The following FMN1 variants were observed in gnomAD, a reference collection of about 807,000 sequenced individuals.
FMN1 encodes the protein formin-1.
FMN1 carries 110 observed loss-of-function variants against 132.4 expected under a neutral mutation model. The ratio of observed to expected loss-of-function variants is 0.83; its 90% CI spans 0.71 to 0.97. The LOEUF (loss-of-function observed/expected upper bound fraction) is 0.97, where lower values mean the gene tolerates loss of function less well. FMN1 is among the 50% of genes least tolerant of loss of function. The probability of loss-of-function intolerance (pLI) is 0.00; values close to 1 mark genes in which losing one functional copy is unlikely to be tolerated. For synonymous variants in FMN1, 722 were observed against 651.7 expected (o/e 1.11, Z -1.64); for missense variants, 1,792 against 1,705.3 (o/e 1.05, Z -0.90).
At position 32,777,589 on chromosome 15, in the gene FMN1, T is replaced by C. The variant is rs1035284367; in HGVS notation, c.4131-670A>G. 4.9e-4 allele frequency among the ~76,000 whole-genome samples: 68 copies of C among 139,314 alleles called. 2 individuals are homozygous for C. Among genetic ancestry groups the C allele is most frequent in the African/African-American group, 1.8e-3 (66 of 37,618 alleles). The allele number at this position is 139,314 out of a possible 152,430, so 91.4% of individuals were successfully genotyped here. ...CACTTTATATATTACGTATAACATA[T>C]AACACTTTATATATTACGTATAACA... On this transcript the variant is annotated intron_variant, in intron 19 of 20. Transcript: ENST00000616417.
At position 33,058,031 on chromosome 15, in the gene FMN1, C is replaced by T. The variant is rs534598239; in HGVS notation, c.2161+6926G>A. Among the ~76,000 whole-genome samples, 6 of 138,916 alleles carry T rather than the reference C, an allele frequency of 4.3e-5. No homozygotes were observed. In the East Asian group the frequency reaches 7.9e-4, roughly 18 times the overall value. The allele number at this position is 138,916 out of a possible 152,430, so 91.1% of individuals were successfully genotyped here. A position where few individuals can be genotyped will look rare whatever the true frequency, so the allele number is the denominator to read the frequency against. ...CGTGGCGGGGCTGGTAGTGGAAAGG[C>T]GTGGCGGGCTGGTGGTGGAAAGGTG... is the stretch of plus-strand genomic sequence containing the variant. On this transcript the variant is annotated intron_variant, in intron 6 of 20. Coordinates refer to ENST00000616417, the MANE Select transcript of FMN1 (RefSeq NM_001277313.2).
At chr15:33,104,677 A>C (rs1199052292) in intron 4 of FMN1, among the ~76,000 whole-genome samples, 1 of 152,114 alleles carries the variant, frequency 6.6e-6, no homozygotes, top group Non-Finnish European at 1.5e-5. Context: ...TTTCCACCTA[A>C]TGTAATTCTC....
chr15:32,905,633 G>C (rs1018144597), intron 12 of FMN1, among the ~76,000 whole-genome samples: 1 of 152,226 alleles, frequency 6.6e-6, no homozygotes, highest in East Asian at 1.9e-4. Flanking sequence ...TGGAGTGTAA[G>C]AGAGTTGATG....
intron 6 of FMN1, among the ~76,000 whole-genome samples, chr15:33,008,709 G>A (rs189622571): frequency 4.7e-4 from 71 of 152,240 alleles, no homozygotes; most frequent in African/African-American, 1.4e-3. Context: ...CCAAGTGTAC[G>A]TAAGAACTCC....
chr15:32,949,067 CTA>C (rs71656146), intron 9 of FMN1, among the ~76,000 whole-genome samples: 19,299 of 151,908 alleles, frequency 0.13, 1,665 homozygotes, highest in African/African-American at 0.26. Flanking sequence ...CAGCTACATC[CTA>C]TGAGTCTTAT....
At chr15:33,130,834 ATT>A (rs1963510342) in intron 4 of FMN1, among the ~76,000 whole-genome samples, 1 of 152,164 alleles carries the variant, frequency 6.6e-6, no homozygotes, top group African/African-American at 2.4e-5. Flanking sequence ...GGCTGTTATA[ATT>A]TTTAAAACTT....
At chr15:33,010,453 A>T (rs2034651466) in intron 6 of FMN1, among the ~76,000 whole-genome samples, 1 of 152,144 alleles carries the variant, frequency 6.6e-6, no homozygotes, top group South Asian at 2.1e-4. Flanking sequence ...GTACACCAAA[A>T]AAAGGATGTT....
intron 5 of FMN1, among the ~76,000 whole-genome samples, chr15:33,081,669 G>A (rs998345970): frequency 6.6e-6 from 1 of 152,160 alleles, no homozygotes; most frequent in South Asian, 2.1e-4. Flanking sequence ...GTAGTGGAGC[G>A]GTAGAAGGAC....
At chr15:33,176,507 A>G (rs1965520282) in intron 3 of FMN1, among the ~76,000 whole-genome samples, 1 of 118,760 alleles carries the variant, frequency 8.4e-6, no homozygotes, top group Admixed American at 8.3e-5. Flanking sequence ...CCCTGTCTCC[A>G]AAAAAAAAAA....
intron 16 of FMN1, among the ~76,000 whole-genome samples, chr15:32,863,670 G>C (rs1006311949): frequency 3.9e-5 from 6 of 152,154 alleles, no homozygotes; most frequent in Non-Finnish European, 7.3e-5. Context: ...GCAAACCTAC[G>C]AGTTATTTCC....
At chr15:32,909,322 C>T (rs557224811) in intron 11 of FMN1, among the ~76,000 whole-genome samples, 1 of 152,312 alleles carries the variant, frequency 6.6e-6, no homozygotes, top group East Asian at 1.9e-4. Flanking sequence ...CTCTTTCTGC[C>T]TCTATACCTT....
intron 17 of FMN1, among the ~76,000 whole-genome samples, chr15:32,842,291 G>C (rs2058762081): frequency 6.6e-6 from 1 of 152,148 alleles, no homozygotes; most frequent in African/African-American, 2.4e-5. Context: ...GAGATGCCCA[G>C]CCAAGCCCCA....
At chr15:32,972,604 T>G (rs571329041) in intron 7 of FMN1, among the ~76,000 whole-genome samples, 1 of 152,200 alleles carries the variant, frequency 6.6e-6, no homozygotes, top group Admixed American at 6.5e-5. Context: ...TCTCCTTTTG[T>G]TCTCCTCCTA....
At chr15:32,838,268 G>A (rs1157488782) in intron 17 of FMN1, among the ~76,000 whole-genome samples, 6 of 152,082 alleles carry the variant, frequency 3.9e-5, no homozygotes, top group Admixed American at 2.6e-4. Flanking sequence ...AATTAAAAGC[G>A]GAAGGGGAGA....
intron 9 of FMN1, among the ~76,000 whole-genome samples, chr15:32,954,586 A>G (rs1309388154): frequency 7.1e-6 from 1 of 140,148 alleles, no homozygotes; most frequent in Non-Finnish European, 1.5e-5. Flanking sequence ...AATTATGTTT[A>G]CTGACACCAA....
chr15:32,796,809 T>A (rs1338346265), intron 19 of FMN1, among the ~76,000 whole-genome samples: 1 of 152,242 alleles, frequency 6.6e-6, no homozygotes, highest in Non-Finnish European at 1.5e-5. Context: ...TAATATTTCT[T>A]AACACACAGA....
intron 4 of FMN1, among the ~76,000 whole-genome samples, chr15:33,122,401 G>A (rs1962651118): frequency 6.6e-6 from 1 of 152,106 alleles, no homozygotes; most frequent in Non-Finnish European, 1.5e-5. Flanking sequence ...ATGCCTGGTG[G>A]GAAAGTAAGG....
At chr15:33,139,685 G>C (rs1963927341) in intron 4 of FMN1, among the ~76,000 whole-genome samples, 1 of 152,182 alleles carries the variant, frequency 6.6e-6, no homozygotes. Flanking sequence ...CCTTTAAATT[G>C]GTAGTAGGAA....
At chr15:33,049,906 G>C (rs886196525) in intron 6 of FMN1, among the ~76,000 whole-genome samples, 13 of 152,022 alleles carry the variant, frequency 8.6e-5, no homozygotes, top group African/African-American at 3.1e-4. Flanking sequence ...TGATTCTAGG[G>C]GCTGCTCAAT....
Sources: gnomAD v4.1 joint callset for allele counts (sites outside exome capture counted in the v4.1 genomes callset) on GRCh38, gnomAD v4.1.1 for gene constraint, MANE v1.5 for transcripts, NCBI Gene and HGNC (gene_info 2026-07-23, HGNC 2026-07-21) for gene names.